Variants in SPOCK1 observed in about 807,000 individuals in gnomAD.
SPOCK1 encodes the protein testican-1.
Under a neutral mutation model 55.3 loss-of-function variants are expected in SPOCK1, and 23 were observed. The observed-to-expected ratio is 0.42, with a 90% CI of 0.30 to 0.59. The LOEUF (loss-of-function observed/expected upper bound fraction) is 0.59, where lower values mean the gene tolerates loss of function less well. Among genes scored for constraint, SPOCK1 ranks in the 20% least tolerant of loss-of-function variants. The pLI is 0.22. For missense variants in SPOCK1, 499 were observed against 552.5 expected (o/e 0.90, Z 0.97); for synonymous variants, 226 against 221.0 (o/e 1.02, Z -0.20).
chr5:137,314,861 C>G (rs1757849538), intron 2 of SPOCK1, among the ~76,000 whole-genome samples: 2 of 152,174 alleles, frequency 1.3e-5, no homozygotes, highest in South Asian at 4.1e-4. Flanking sequence ...ACAACCCCAG[C>G]CAGTTCCATG....
chr5:137,354,885 G>A (rs1278009797), intron 2 of SPOCK1, among the ~76,000 whole-genome samples: 1 of 152,000 alleles, frequency 6.6e-6, no homozygotes, highest in Admixed American at 6.6e-5. Context: ...TTAGGTAAGT[G>A]ACTCACTCTA....
intron 2 of SPOCK1, among the ~76,000 whole-genome samples, chr5:137,401,065 A>G (rs1751966014): frequency 6.6e-6 from 1 of 152,178 alleles, no homozygotes; most frequent in Non-Finnish European, 1.5e-5. Context: ...GGGGCTATCA[A>G]GCATCCTTGT....
chr5:137,412,700 C>T (rs1362670691), intron 2 of SPOCK1, among the ~76,000 whole-genome samples: 1 of 152,232 alleles, frequency 6.6e-6, no homozygotes, highest in East Asian at 1.9e-4. Flanking sequence ...TCAGTGGAGT[C>T]TTCACCTGGG....
intron 2 of SPOCK1, among the ~76,000 whole-genome samples, chr5:137,356,826 TATATATATATATAGAGAGAGAGAG>T (rs1208257579): frequency 1.0e-4 from 2 of 19,338 alleles, no homozygotes; most frequent in African/African-American, 2.5e-4. Context: ...TATATATATA[TATATATATATATAGAGAGAGAGAG>T]AGAGAGAGAG....
intron 2 of SPOCK1, among the ~76,000 whole-genome samples, chr5:137,314,340 C>T (rs1757839989): frequency 6.6e-6 from 1 of 152,170 alleles, no homozygotes; most frequent in Non-Finnish European, 1.5e-5. Flanking sequence ...TCCAGCCTCA[C>T]AAACGCTACC....
intron 2 of SPOCK1, among the ~76,000 whole-genome samples, chr5:137,366,234 G>C (rs960172358): frequency 6.6e-6 from 1 of 152,138 alleles, no homozygotes; most frequent in Non-Finnish European, 1.5e-5. Context: ...TAAGATCCAG[G>C]ATGTCACATA....
intron 2 of SPOCK1, among the ~76,000 whole-genome samples, chr5:137,391,368 T>C (rs1363291920): frequency 3.3e-5 from 5 of 152,086 alleles, no homozygotes; most frequent in Non-Finnish European, 7.4e-5. Flanking sequence ...ATACGTGTGC[T>C]GGTGAATATT....
intron 5 of SPOCK1, among the ~76,000 whole-genome samples, chr5:137,094,199 T>C (rs1348337253): frequency 6.6e-6 from 1 of 152,128 alleles, no homozygotes; most frequent in Non-Finnish European, 1.5e-5. Context: ...GGGGAAACAC[T>C]GGGGCCCAAG....
chr5:137,474,947 A>G (rs974611848), intron 2 of SPOCK1, among the ~76,000 whole-genome samples: 31 of 152,320 alleles, frequency 2.0e-4, no homozygotes, highest in African/African-American at 7.5e-4. Flanking sequence ...TATTTGGGTA[A>G]AAGGTCTTTT....
At chr5:137,019,248 T>C (rs1167386917) in intron 6 of SPOCK1, among the ~76,000 whole-genome samples, 1 of 152,118 alleles carries the variant, frequency 6.6e-6, no homozygotes, top group African/African-American at 2.4e-5. Flanking sequence ...TTATAAAATA[T>C]CAAAAAGTAT....
intron 6 of SPOCK1, among the ~76,000 whole-genome samples, chr5:137,064,578 A>G (rs1752459238): frequency 6.6e-6 from 1 of 152,156 alleles, no homozygotes; most frequent in Non-Finnish European, 1.5e-5. Context: ...CTGACAGGTA[A>G]GGGGAGGTGG....
chr5:137,040,214 C>T (rs748472461), intron 6 of SPOCK1, among the ~76,000 whole-genome samples: 13 of 152,194 alleles, frequency 8.5e-5, no homozygotes, highest in East Asian at 3.9e-4. Context: ...CTGAAGTGGG[C>T]CCACCCAGCA....
chr5:137,207,088 G>A (rs1028757573), intron 3 of SPOCK1, among the ~76,000 whole-genome samples: 2 of 152,220 alleles, frequency 1.3e-5, no homozygotes, highest in African/African-American at 4.8e-5. Flanking sequence ...TTGGCCCTGA[G>A]TAACAGATTT....
intron 2 of SPOCK1, among the ~76,000 whole-genome samples, chr5:137,368,245 C>A (rs952406354): frequency 9.2e-5 from 14 of 152,264 alleles, no homozygotes; most frequent in African/African-American, 3.4e-4. Context: ...AAAAAACAGC[C>A]AGGGAAATCC....
chr5:137,308,396 T>G (rs1757734892), intron 2 of SPOCK1, among the ~76,000 whole-genome samples: 3 of 152,234 alleles, frequency 2.0e-5, no homozygotes, highest in South Asian at 4.1e-4. Flanking sequence ...AAGGCAGCTT[T>G]GTCCAGTGGG....
chr5:137,450,015 A>C (rs1321407549), intron 2 of SPOCK1, among the ~76,000 whole-genome samples: 1 of 152,164 alleles, frequency 6.6e-6, no homozygotes, highest in African/African-American at 2.4e-5. Flanking sequence ...TTCATAAAAA[A>C]AAACTCTATA....
intron 2 of SPOCK1, among the ~76,000 whole-genome samples, chr5:137,341,160 A>C (rs1750415195): frequency 6.6e-6 from 1 of 152,232 alleles, no homozygotes; most frequent in South Asian, 2.1e-4. Flanking sequence ...AACAACTTCA[A>C]GCATTATGTT....
At chr5:137,186,099 C>A (rs1451208953) in intron 3 of SPOCK1, among the ~76,000 whole-genome samples, 1 of 152,222 alleles carries the variant, frequency 6.6e-6, no homozygotes, top group African/African-American at 2.4e-5. Flanking sequence ...AAATCCTGAT[C>A]TGGAGGTGGG....
At chr5:137,196,537 G>A (rs1205971657) in intron 3 of SPOCK1, among the ~76,000 whole-genome samples, 1 of 152,252 alleles carries the variant, frequency 6.6e-6, no homozygotes, top group East Asian at 1.9e-4. Context: ...ATTTAAACAT[G>A]TGATGCCACT....
Sources: allele counts gnomAD v4.1 joint callset (sites outside exome capture counted in the v4.1 genomes callset), GRCh38; gene constraint gnomAD v4.1.1; transcripts MANE v1.5; gene names NCBI Gene and HGNC (gene_info 2026-07-23, HGNC 2026-07-21).